The following SASH1 variants were observed in gnomAD, a reference collection of about 807,000 sequenced individuals.
The protein encoded by SASH1 is SAM and SH3 domain-containing protein 1.
Under a neutral mutation model 125.2 loss-of-function variants are expected in SASH1, and 44 were observed. The observed-to-expected ratio is 0.35, with a 90% CI of 0.28 to 0.45. The LOEUF (loss-of-function observed/expected upper bound fraction) is 0.45, where lower values mean the gene tolerates loss of function less well. Ranked by LOEUF, SASH1 falls within the 20% of genes least tolerant of loss-of-function variation. SASH1 has a pLI of 1.00. For synonymous variants in SASH1, 639 were observed against 649.1 expected (o/e 0.98, Z 0.24); for missense variants, 1,426 against 1,614.5 (o/e 0.88, Z 2.00).
chr6:148,206,675 A>T, the SASH1 span, among the ~76,000 whole-genome samples: 1 of 151,796 alleles, frequency 6.6e-6, no homozygotes, highest in African/African-American at 2.4e-5. Context: ...CTGAAATACC[A>T]GCTACTCAGG....
chr6:148,285,049 T>C (rs988377465), intron 1 of SASH1, among the ~76,000 whole-genome samples: 1 of 152,214 alleles, frequency 6.6e-6, no homozygotes, highest in Non-Finnish European at 1.5e-5. Context: ...CCACAGCTAA[T>C]GCCACTCCGG....
At chr6:148,517,645 C>T (rs775047748) in intron 9 of SASH1, among the ~76,000 whole-genome samples, 3 of 152,164 alleles carry the variant, frequency 2.0e-5, no homozygotes, top group Non-Finnish European at 1.5e-5. Context: ...TCCTGGGAAG[C>T]GTTTGCTACA....
chr6:148,221,678 C>A, the SASH1 span, among the ~76,000 whole-genome samples: 2 of 152,184 alleles, frequency 1.3e-5, no homozygotes, highest in Non-Finnish European at 2.9e-5. Flanking sequence ...GGTGATATTG[C>A]TTTGGCTACA....
At chr6:148,514,252 G>T in intron 8 of SASH1, 72 bp from the exon 9 acceptor site, 1 of 1,540,548 alleles carries the variant, frequency 6.5e-7, no homozygotes, top group Non-Finnish European at 8.7e-7. Context: ...CAGCAAGGCC[G>T]GCTACATCCA....
At chr6:148,528,355 C>T (rs1026165916) in intron 12 of SASH1, among the ~76,000 whole-genome samples, 1 of 152,174 alleles carries the variant, frequency 6.6e-6, no homozygotes, top group African/African-American at 2.4e-5. Context: ...GTTGAAGTTC[C>T]TGTGTATGAG....
chr6:148,347,805 TTGCAGGGTTATG>T (rs1462592897), intron 1 of SASH1, among the ~76,000 whole-genome samples: 1 of 152,064 alleles, frequency 6.6e-6, no homozygotes, highest in Non-Finnish European at 1.5e-5. Flanking sequence ...TGTGGAGAAG[TTGCAGGGTTATG>T]TACTGGAAGG....
At chr6:148,358,352 G>A (rs1394990197) in intron 1 of SASH1, among the ~76,000 whole-genome samples, 1 of 152,210 alleles carries the variant, frequency 6.6e-6, no homozygotes, top group Non-Finnish European at 1.5e-5. Context: ...GCATTTGCTG[G>A]TTGGCTCAAG....
intron 9 of SASH1, among the ~76,000 whole-genome samples, chr6:148,518,073 G>A (rs1219692964): frequency 1.3e-5 from 2 of 152,170 alleles, no homozygotes; most frequent in Non-Finnish European, 2.9e-5. Context: ...ATAACTAGAA[G>A]AGGTTGCCAT....
chr6:148,413,342 A>G (rs1784698145), intron 2 of SASH1, among the ~76,000 whole-genome samples: 1 of 152,148 alleles, frequency 6.6e-6, no homozygotes, highest in South Asian at 2.1e-4. Context: ...TAGAAATGGA[A>G]ATGAGGAAAC....
At chr6:148,409,015 C>T (rs1345049022) in intron 2 of SASH1, among the ~76,000 whole-genome samples, 1 of 152,230 alleles carries the variant, frequency 6.6e-6, no homozygotes, top group Non-Finnish European at 1.5e-5. Context: ...TGTCACTCCA[C>T]CCTGCTCTAA....
chr6:148,397,526 A>C (rs1784009261), intron 2 of SASH1, among the ~76,000 whole-genome samples: 1 of 152,198 alleles, frequency 6.6e-6, no homozygotes, highest in South Asian at 2.1e-4. Flanking sequence ...TATACATCTA[A>C]ATGCACAAAT....
intron 2 of SASH1, among the ~76,000 whole-genome samples, chr6:148,434,647 TTAA>T (rs1776220332): frequency 1.3e-5 from 2 of 152,218 alleles, no homozygotes; most frequent in South Asian, 4.1e-4. Context: ...CATATGTGAC[TTAA>T]TGATGAACAA....
At chr6:148,327,000 T>C (rs568060730) in intron 1 of SASH1, among the ~76,000 whole-genome samples, 1 of 152,182 alleles carries the variant, frequency 6.6e-6, no homozygotes, top group African/African-American at 2.4e-5. Flanking sequence ...CTTCCCCTAC[T>C]GGCTGGTGAA....
At chr6:148,256,724 G>A in the SASH1 span, among the ~76,000 whole-genome samples, 1 of 152,178 alleles carries the variant, frequency 6.6e-6, no homozygotes, top group Admixed American at 6.5e-5. Context: ...GAAGGGAATG[G>A]TTAGAGTGAT....
intron 1 of SASH1, among the ~76,000 whole-genome samples, chr6:148,316,396 A>C (rs1007112871): frequency 6.6e-6 from 1 of 152,226 alleles, no homozygotes; most frequent in Non-Finnish European, 1.5e-5. Flanking sequence ...CTGTGTAGAC[A>C]GGATATGATG....
chr6:148,240,862 C>T, the SASH1 span, among the ~76,000 whole-genome samples: 2 of 152,140 alleles, frequency 1.3e-5, no homozygotes, highest in Non-Finnish European at 2.9e-5. Flanking sequence ...ATTTTGTGCT[C>T]CCCATGAAAG....
chr6:148,322,262 G>T lies in SASH1; in HGVS notation n.74+49885G>T, dbSNP rs143589075. ...GCTACTTGGGAGGCTGAGGGCATGA[G>T]AATCAGTTGAACCCGGGAAGTGGAG... On this transcript the variant is annotated intron_variant and non_coding_transcript_variant, in intron 1 of 3. Transcript: ENST00000367469. 9.1e-4 allele frequency among the ~76,000 whole-genome samples: 139 copies of T among 152,202 alleles called. 3 individuals carry two copies. In the East Asian group the frequency reaches 0.025, roughly 27 times the overall value.
intron 1 of SASH1, among the ~76,000 whole-genome samples, chr6:148,386,757 C>T (rs543333207): frequency 6.6e-6 from 1 of 152,308 alleles, no homozygotes; most frequent in South Asian, 2.1e-4. Context: ...ATCTGTAACT[C>T]ATAAAAATGG....
At chr6:148,448,265 A>G (rs1357236369) in intron 4 of SASH1, among the ~76,000 whole-genome samples, 1 of 152,146 alleles carries the variant, frequency 6.6e-6, no homozygotes, top group African/African-American at 2.4e-5. Flanking sequence ...CGATTGAGTG[A>G]GTGAGCATGC....
Sources: gnomAD v4.1 joint callset for allele counts (sites outside exome capture counted in the v4.1 genomes callset) on GRCh38, gnomAD v4.1.1 for gene constraint, MANE v1.5 for transcripts, NCBI Gene and HGNC (gene_info 2026-07-23, HGNC 2026-07-21) for gene names.